Variants in DPP10 observed in about 807,000 individuals in gnomAD.
DPP10 encodes the protein inactive dipeptidyl peptidase 10.
A neutral mutation model predicts 120.9 loss-of-function variants in DPP10; 33 were observed. The ratio of observed to expected loss-of-function variants is 0.27; its 90% CI spans 0.21 to 0.37. DPP10 has a LOEUF of 0.37. Among genes scored for constraint, DPP10 ranks in the 10% least tolerant of loss-of-function variants. DPP10 has a pLI of 1.00. For synonymous variants in DPP10, 337 were observed against 326.1 expected (o/e 1.03, Z -0.36); for missense variants, 816 against 942.8 (o/e 0.87, Z 1.76).
At chr2:115,561,806 A>AT (rs753996927) in intron 5 of DPP10, among the ~76,000 whole-genome samples, 16 of 152,256 alleles carry the variant, frequency 1.1e-4, no homozygotes, top group Non-Finnish European at 2.4e-4. Flanking sequence ...ATTTACTTAT[A>AT]TTTGGGGGTT....
chr2:114,701,767 A>G (rs1186367931), intron 1 of DPP10, among the ~76,000 whole-genome samples: 1 of 152,144 alleles, frequency 6.6e-6, no homozygotes, highest in Admixed American at 6.6e-5. Flanking sequence ...GGCTGTTATG[A>G]GAAAATGTCT....
intron 1 of DPP10, among the ~76,000 whole-genome samples, chr2:114,904,620 A>T (rs1693826236): frequency 6.6e-6 from 1 of 152,222 alleles, no homozygotes; most frequent in African/African-American, 2.4e-5. Flanking sequence ...CAATGGTGTG[A>T]CTGGACTATC....
intron 1 of DPP10, among the ~76,000 whole-genome samples, chr2:114,778,774 TC>T (rs1558732744): frequency 6.6e-6 from 1 of 152,048 alleles, no homozygotes; most frequent in Non-Finnish European, 1.5e-5. Context: ...GAAAATGTAG[TC>T]CACCTATATG....
At chr2:115,263,895 C>T (rs2059355366) in intron 1 of DPP10, among the ~76,000 whole-genome samples, 1 of 151,996 alleles carries the variant, frequency 6.6e-6, no homozygotes, top group South Asian at 2.1e-4. Context: ...AAAACACACA[C>T]ACACACACAC....
At chr2:115,388,773 A>G (rs75198015) in intron 3 of DPP10, among the ~76,000 whole-genome samples, 3,298 of 152,244 alleles carry the variant, frequency 0.022, 129 homozygotes, top group African/African-American at 0.075. Flanking sequence ...TCTGGAGAGG[A>G]AGTAATTTAA....
At chr2:115,493,053 A>G (rs772100519) in intron 3 of DPP10, among the ~76,000 whole-genome samples, 14 of 152,224 alleles carry the variant, frequency 9.2e-5, no homozygotes, top group South Asian at 2.1e-4. Flanking sequence ...GGACTATTTT[A>G]TAGGCTATCG....
chr2:115,775,151 T>G (rs993907055), intron 13 of DPP10, among the ~76,000 whole-genome samples: 8 of 151,968 alleles, frequency 5.3e-5, no homozygotes, highest in Non-Finnish European at 7.4e-5. Flanking sequence ...TATATGCATA[T>G]ATGAAATTAT....
At chr2:115,134,772 A>C (rs1280802155) in intron 1 of DPP10, among the ~76,000 whole-genome samples, 1 of 152,156 alleles carries the variant, frequency 6.6e-6, no homozygotes, top group Admixed American at 6.6e-5. Context: ...CCACAATGAA[A>C]ACAGTGGTTT....
chr2:115,379,741 T>C (rs1473220713), intron 3 of DPP10, among the ~76,000 whole-genome samples: 2 of 152,202 alleles, frequency 1.3e-5, no homozygotes, highest in African/African-American at 4.8e-5. Flanking sequence ...CCAGAGATTC[T>C]GGTATGTTGT....
intron 3 of DPP10, among the ~76,000 whole-genome samples, chr2:115,415,401 T>C (rs2069298748): frequency 1.3e-5 from 2 of 152,288 alleles, no homozygotes; most frequent in African/African-American, 4.8e-5. Context: ...TTCATGCCCA[T>C]GTGCATCAAT....
chr2:114,689,456 AC>A (rs1699594321), intron 1 of DPP10, among the ~76,000 whole-genome samples: 1 of 152,026 alleles, frequency 6.6e-6, no homozygotes, highest in Non-Finnish European at 1.5e-5. Context: ...GTGTATATGT[AC>A]CACATATTCC....
At chr2:115,669,971 T>C (rs1348201579) in intron 5 of DPP10, among the ~76,000 whole-genome samples, 3 of 152,190 alleles carry the variant, frequency 2.0e-5, no homozygotes, top group Non-Finnish European at 4.4e-5. Flanking sequence ...TTACCACAGA[T>C]GGGTAGCTTA....
intron 1 of DPP10, among the ~76,000 whole-genome samples, chr2:114,450,805 CTGT>C (rs1558769902): frequency 6.6e-6 from 1 of 152,026 alleles, no homozygotes; most frequent in Non-Finnish European, 1.5e-5. Flanking sequence ...GAGACAACCC[CTGT>C]TGTTCTTCTT....
chr2:114,470,237 T>C (rs949311435), intron 1 of DPP10, among the ~76,000 whole-genome samples: 1 of 152,162 alleles, frequency 6.6e-6, no homozygotes, highest in African/African-American at 2.4e-5. Context: ...TAGAGGAAAA[T>C]TTTAACTTGC....
intron 1 of DPP10, among the ~76,000 whole-genome samples, chr2:114,640,898 C>A (rs192985171): frequency 3.7e-4 from 56 of 152,040 alleles, no homozygotes; most frequent in Non-Finnish European, 4.4e-5. Context: ...CAGTAACACT[C>A]TAGCAGGGCC....
At chr2:115,162,404 C>A in intron 1 of DPP10, 2 of 1,266,854 alleles carry the variant, frequency 1.6e-6, no homozygotes, top group South Asian at 1.6e-5. Flanking sequence ...GCGCTCCTGA[C>A]GGCCGCTCAC....
Position 114,980,634 on chromosome 2 carries a change from G to GAA in DPP10, c.61-328591_61-328590dup, listed in dbSNP as rs145634895. 1.6e-4 allele frequency among the ~76,000 whole-genome samples: 20 copies of GAA among 122,778 alleles called. 1 individual carries two copies. The highest frequency in any genetic ancestry group is 7.6e-4 in the Admixed American group (9 of 11,864). The allele number at this position is 122,778 out of a possible 152,430, so 80.5% of individuals were successfully genotyped here. A position where few individuals can be genotyped will look rare whatever the true frequency, so the allele number is the denominator to read the frequency against. On this transcript the variant is annotated intron_variant, in intron 1 of 25. Coordinates refer to ENST00000410059, the MANE Select transcript of DPP10 (RefSeq NM_020868.6). ...TTAGAAGGAACAAAAAGAATCTACT[G>GAA]AAAAAAAAAAAAAAAGAATACAATT...
chr2:115,410,193 C>G (rs920373027), intron 3 of DPP10, among the ~76,000 whole-genome samples: 1 of 152,170 alleles, frequency 6.6e-6, no homozygotes, highest in Non-Finnish European at 1.5e-5. Flanking sequence ...ATGTTCATTG[C>G]AGCACTACTC....
At chr2:115,085,007 T>A (rs1233095117) in intron 1 of DPP10, among the ~76,000 whole-genome samples, 1 of 152,170 alleles carries the variant, frequency 6.6e-6, no homozygotes, top group East Asian at 1.9e-4. Context: ...TGGTGCAACA[T>A]TTAAGTCTGG....
Sources: allele counts gnomAD v4.1 joint callset (sites outside exome capture counted in the v4.1 genomes callset), GRCh38; gene constraint gnomAD v4.1.1; transcripts MANE v1.5; gene names NCBI Gene and HGNC (gene_info 2026-07-23, HGNC 2026-07-21).